The following SHANK2 variants were observed in gnomAD, a reference collection of about 807,000 sequenced individuals.
The protein encoded by SHANK2 is SH3 and multiple ankyrin repeat domains 2.
SHANK2 carries 43 observed loss-of-function variants against 133.7 expected under a neutral mutation model. The ratio of observed to expected loss-of-function variants is 0.32; its 90% CI spans 0.25 to 0.41. The LOEUF is 0.41. Among genes scored for constraint, SHANK2 ranks in the 10% least tolerant of loss-of-function variants. SHANK2 has a pLI of 1.00. For missense variants in SHANK2, 1,994 were observed against 2,235.8 expected (o/e 0.89, Z 2.18); for synonymous variants, 1,017 against 952.8 (o/e 1.07, Z -1.24).
Position 70,502,753 on chromosome 11 carries a change from C to G in SHANK2, c.2197+43G>C, listed in dbSNP as rs782144645. On this transcript the variant is annotated intron_variant, in intron 18 of 25. Coordinates refer to ENST00000601538, the MANE Select transcript of SHANK2 (RefSeq NM_012309.5). Reference sequence around the variant, plus strand: ...CCTGCCCGCCCCCACCCCCCCCCCCCAGTAGGGCCCCAGGCTGGAGCTGGG... The same window carrying G: ...CCTGCCCGCCCCCACCCCCCCCCCCGAGTAGGGCCCCAGGCTGGAGCTGGG... 6.3e-5 allele frequency: 88 copies of G among 1,393,042 alleles called. 1 individual carries two copies. In the Middle Eastern group the frequency reaches 7.9e-4, roughly 13 times the overall value. The allele number at this position is 1,393,042 out of a possible 1,614,324, so 86.3% of individuals were successfully genotyped here.
chr11:70,776,018 T>C (rs1947358245), intron 14 of SHANK2, among the ~76,000 whole-genome samples: 1 of 152,206 alleles, frequency 6.6e-6, no homozygotes, highest in Non-Finnish European at 1.5e-5. Flanking sequence ...GCCTCCATCT[T>C]TGCCCCAGCT....
At chr11:70,953,642 G>A (rs113640382) in intron 10 of SHANK2, among the ~76,000 whole-genome samples, 67 of 152,258 alleles carry the variant, frequency 4.4e-4, no homozygotes, top group African/African-American at 1.3e-3. Flanking sequence ...GCATCCACCT[G>A]CTTAGTTCTT....
intron 17 of SHANK2, among the ~76,000 whole-genome samples, chr11:70,651,277 C>A (rs1416951779): frequency 6.6e-6 from 1 of 152,162 alleles, no homozygotes; most frequent in Non-Finnish European, 1.5e-5. Flanking sequence ...CAAATTAGAA[C>A]CCCAAAATGA....
chr11:70,691,952 G>A (rs370562520), intron 15 of SHANK2, among the ~76,000 whole-genome samples: 4 of 152,192 alleles, frequency 2.6e-5, no homozygotes, highest in East Asian at 1.9e-4. Flanking sequence ...GAAATAAACA[G>A]TGAAATAATC....
chr11:70,681,875 AC>A (rs1945036437), intron 15 of SHANK2, among the ~76,000 whole-genome samples: 2 of 152,050 alleles, frequency 1.3e-5, no homozygotes, highest in African/African-American at 4.8e-5. Context: ...GGGGTTCTGC[AC>A]GGGCTTCAGG....
intron 2 of SHANK2, among the ~76,000 whole-genome samples, chr11:71,167,703 T>C (rs1590980680): frequency 6.8e-5 from 9 of 133,228 alleles, no homozygotes; most frequent in South Asian, 2.5e-4. Flanking sequence ...ACGGAGCGGC[T>C]GGCCGGGCAG....
intron 12 of SHANK2, among the ~76,000 whole-genome samples, chr11:70,815,817 G>A (rs558897136): frequency 6.6e-5 from 10 of 152,314 alleles, no homozygotes; most frequent in South Asian, 2.1e-4. Context: ...ACACTGCCAC[G>A]CCCACTGCAG....
At chr11:70,491,736 C>T (rs1555155857) in intron 22 of SHANK2, among the ~76,000 whole-genome samples, 2 of 152,314 alleles carry the variant, frequency 1.3e-5, no homozygotes, top group East Asian at 1.9e-4. Flanking sequence ...TTGTTCAGGA[C>T]GTGCCTGGGG....
intron 10 of SHANK2, among the ~76,000 whole-genome samples, chr11:70,916,376 G>T (rs971964046): frequency 1.3e-5 from 2 of 151,840 alleles, no homozygotes; most frequent in Non-Finnish European, 2.9e-5. Context: ...TCGCCAACCC[G>T]GCTGGCCATC....
In SHANK2 at chr11:70,807,827, C is replaced by T. The variant is rs1407517833; in HGVS notation, c.1494-656G>A. Reference sequence around the variant, plus strand: ...CCTGGGTGACAGAGTGAGACTCTGTCTCCAAAAAAAAAAAGTAAACTGTGA... The same window carrying T: ...CCTGGGTGACAGAGTGAGACTCTGTTTCCAAAAAAAAAAAGTAAACTGTGA... On this transcript the variant is annotated intron_variant, in intron 12 of 25. Coordinates refer to ENST00000601538, the MANE Select transcript of SHANK2 (RefSeq NM_012309.5). This position sits in a 1 kb window ranked among gnomAD's most constrained non-coding sequence, Gnocchi z 4.8. Among the ~76,000 whole-genome samples, 1 of 150,832 alleles carries T rather than the reference C, an allele frequency of 6.6e-6. No homozygotes were observed. Among genetic ancestry groups the T allele is most frequent in the East Asian group, 1.9e-4 (1 of 5,150 alleles).
chr11:70,937,886 G>C (rs1330632960), intron 10 of SHANK2, among the ~76,000 whole-genome samples: 1 of 151,716 alleles, frequency 6.6e-6, no homozygotes, highest in Non-Finnish European at 1.5e-5. Context: ...CCTCTCAGAA[G>C]CCAGAGGGCC....
chr11:70,732,354 C>A (rs1232041972), intron 14 of SHANK2, among the ~76,000 whole-genome samples: 1 of 152,184 alleles, frequency 6.6e-6, no homozygotes, highest in Non-Finnish European at 1.5e-5. Context: ...CCTGAGCCAC[C>A]TTCCTCTCTC....
rs1555099756 is a variant in SHANK2 at position 71,113,285 on chromosome 11, CT to C, written c.483+7del. 1 of 1,551,598 alleles carries C rather than the reference CT, an allele frequency of 6.4e-7. No homozygotes were observed. The highest frequency in any genetic ancestry group is 2.0e-5 in the Admixed American group (1 of 51,008). On this transcript the variant is annotated splice_region_variant and intron_variant, in intron 5 of 25. Transcript: ENST00000601538. ...TAACGTGTAAATAACAGCCCGTTCC[CT>C]GCATACCTTCGTGTGGAGCTTGGCC... is the stretch of plus-strand genomic sequence containing the variant.
chr11:70,485,275 A>C lies in SHANK2; in HGVS notation c.4979+39T>G. The C allele has an allele frequency of 6.4e-7, 1 of 1,561,680 alleles. No homozygotes were observed. The highest frequency in any genetic ancestry group is 2.0e-4 in the Middle Eastern group (1 of 5,070). On this transcript the variant is annotated intron_variant, in intron 25 of 25. Transcript: ENST00000601538. The surrounding 1 kb of genome is among the most constrained non-coding windows in gnomAD (Gnocchi z 5.8). ...CTTTCCTGGTCAGCAGGGACAGTGC[A>C]CGCAGAGCGGTGTGCATGTGCACCA...
intron 25 of SHANK2, chr11:70,474,411 C>T (rs1555149661): frequency 6.6e-6 from 1 of 152,270 alleles, no homozygotes; most frequent in African/African-American, 2.4e-5. Context: ...TAGCTCCAAC[C>T]TTTACTGGCC....
chr11:70,698,875 T>G, intron 14 of SHANK2, 112 bp from the exon 15 acceptor site: 1 of 709,412 alleles, frequency 1.4e-6, no homozygotes, highest in Admixed American at 2.0e-5. Context: ...AAATGTGAGA[T>G]GCACTGTCCT....
intron 25 of SHANK2, among the ~76,000 whole-genome samples, chr11:70,482,650 G>A (rs1555152013): frequency 6.6e-6 from 1 of 152,256 alleles, no homozygotes; most frequent in African/African-American, 2.4e-5. Flanking sequence ...CTGGCGTTTG[G>A]TGAATGCTTT....
chr11:70,859,087 G>T (rs782150275), intron 11 of SHANK2, among the ~76,000 whole-genome samples: 7 of 152,310 alleles, frequency 4.6e-5, no homozygotes, highest in Non-Finnish European at 7.4e-5. Context: ...GAGGTGAGTG[G>T]ATAAACAGAA....
intron 17 of SHANK2, among the ~76,000 whole-genome samples, chr11:70,607,634 G>A (rs2060596807): frequency 1.3e-5 from 2 of 152,208 alleles, no homozygotes; most frequent in South Asian, 4.1e-4. Flanking sequence ...TTGGAAGAAG[G>A]CATGGCCTCC....
Sources: allele counts gnomAD v4.1 joint callset (sites outside exome capture counted in the v4.1 genomes callset), GRCh38; gene constraint gnomAD v4.1.1; non-coding constraint Gnocchi (gnomAD v3.1); transcripts MANE v1.5; gene names NCBI Gene and HGNC (gene_info 2026-07-23, HGNC 2026-07-21).